Variants in WFIKKN1 observed in about 807,000 individuals in gnomAD.
The protein encoded by WFIKKN1 is WAP, Kazal, immunoglobulin, Kunitz and NTR domain-containing protein 1.
WFIKKN1 carries 6 observed loss-of-function variants against 4.6 expected under a neutral mutation model. That is an observed-to-expected ratio of 1.31 (90% CI 0.72 to 2.59). The LOEUF is 2.59. WFIKKN1 is among the 30% of genes most tolerant of loss of function. WFIKKN1 has a pLI of 0.00. For synonymous variants in WFIKKN1, 468 were observed against 367.4 expected (o/e 1.27, Z -3.13); for missense variants, 964 against 818.0 (o/e 1.18, Z -2.18).
chr16:631,167 G>A lies in WFIKKN1; in HGVS notation c.-87G>A. The A allele has an allele frequency of 7.0e-7, 1 of 1,432,414 alleles. No homozygotes were observed. Among genetic ancestry groups the A allele is most frequent in the Non-Finnish European group, 9.2e-7 (1 of 1,083,664 alleles). The allele number at this position is 1,432,414 out of a possible 1,614,324, so 88.7% of individuals were successfully genotyped here. On this transcript the variant is annotated 5_prime_UTR_variant, in exon 1 of 2. Coordinates refer to ENST00000319070, the MANE Select transcript of WFIKKN1 (RefSeq NM_053284.3). ...GGGGGCACCGACCACAGGCCCGGAGGGTGGATGCCTGCAGGAAGCTGGGCT... is the reference window on the plus strand; with the variant it reads ...GGGGGCACCGACCACAGGCCCGGAGAGTGGATGCCTGCAGGAAGCTGGGCT...
Position 632,987 on chromosome 16 carries a change from T to TC in WFIKKN1, c.581dup (p.Gln195ThrfsTer40). On this transcript the variant is annotated frameshift_variant, in exon 2 of 2. Transcript: ENST00000319070. LOFTEE classifies it low-confidence loss of function (END_TRUNC). The stretch of plus-strand genomic sequence containing the variant: ...GCCTCCTGCCCTGTACAGCAGCCCC[T>TC]CCCCACAGGCGGTGCAGGTTGGGGG... The TC allele has an allele frequency of 2.5e-6, 4 of 1,596,478 alleles. No individual in the cohort carries two copies. Among genetic ancestry groups the TC allele is most frequent in the Non-Finnish European group, 3.4e-6 (4 of 1,170,538 alleles).
chr16:632,847 G>T lies in WFIKKN1; in HGVS notation c.437G>T (p.Cys146Phe). The change falls in exon 2 of 2, where the codon TGC becomes TTC. Residue 146 changes from cysteine to phenylalanine, a missense_variant. Transcript: ENST00000319070. ...YNRCYMDAEA[C>F]LRGLHLHIVP... ...CGCTGCTATATGGACGCCGAGGCCT[G>T]CCTGCGGGGCCTGCACCTCCACATC... 3.2e-6 allele frequency: 5 copies of T among 1,572,284 alleles called. No homozygotes were observed. Among genetic ancestry groups the T allele is most frequent in the Non-Finnish European group, 4.3e-6 (5 of 1,156,604 alleles).
In WFIKKN1 at chr16:633,467, C is replaced by T. The variant is rs763911373; in HGVS notation, c.1057C>T (p.Arg353Cys). The T allele has an allele frequency of 2.0e-6, 3 of 1,525,066 alleles. No homozygotes were observed. The highest frequency in any genetic ancestry group is 2.6e-6 in the Non-Finnish European group (3 of 1,144,882). The allele number at this position is 1,525,066 out of a possible 1,614,324, so 94.5% of individuals were successfully genotyped here. The change falls in exon 2 of 2, where the codon CGC (arginine) becomes TGC (cysteine). Residue 353 changes from arginine to cysteine, a missense_variant. Physicochemically the swap from Arg to Cys is radical, Grantham distance 180. Transcript: ENST00000319070. ...CGAGGCATGCCAGCAGGCCTGTGCC[C>T]GCGGCCCCGGCGACGCCTGCGTGCT... Reference protein sequence around the residue: ...TYEACQQACARGPGDACVLPA... With the variant: ...TYEACQQACACGPGDACVLPA...
In WFIKKN1 at chr16:631,319, G is replaced by A. The variant is rs997562456; in HGVS notation, c.66G>A (p.Leu22=). The A allele has an allele frequency of 6.2e-7, 1 of 1,602,852 alleles. No homozygotes were observed. The highest frequency in any genetic ancestry group is 8.5e-7 in the Non-Finnish European group (1 of 1,179,090). ...LLLRLTSGAG[L]LPGLGSHPGV... is the part of the protein sequence containing the mutation. ...TCCGGCTGACCTCGGGGGCTGGCTT[G>A]CTGCCAGGGCTGGGGAGCCACCCGG... Residue 22 remains leucine (L), a synonymous_variant, in exon 1 of 2, where the codon TTG becomes TTA. Transcript: ENST00000319070.
chr16:633,847 G>A lies in WFIKKN1; in HGVS notation c.1437G>A (p.Glu479=). The A allele has an allele frequency of 1.3e-6, 2 of 1,599,600 alleles. No individual in the cohort carries two copies. Among genetic ancestry groups the A allele is most frequent in the South Asian group, 2.2e-5 (2 of 89,062 alleles). The part of the protein sequence containing the change: ...GLKFLGTKYL[E]VTLSGMDWAC... Reference sequence around the variant, plus strand: ...AGTTCTTGGGCACCAAGTACCTGGAGGTGACGCTGAGTGGCATGGACTGGG... The same window carrying A: ...AGTTCTTGGGCACCAAGTACCTGGAAGTGACGCTGAGTGGCATGGACTGGG... The change falls in exon 2 of 2, where the codon GAG becomes GAA. Residue 479 remains glutamate, a synonymous_variant. Transcript: ENST00000319070.
intron 1 of WFIKKN1, 47 bp downstream of exon 1, chr16:631,471 G>A: frequency 5.1e-6 from 8 of 1,582,104 alleles, no homozygotes; most frequent in Middle Eastern, 1.8e-4. Context: ...CAGCCAGCCT[G>A]GGCAAGACCC....
chr16:632,668 G>A lies in WFIKKN1; in HGVS notation c.258G>A (p.Ala86=), dbSNP rs749272331. 60 of 1,604,380 alleles carry A rather than the reference G, an allele frequency of 3.7e-5. No individual in the cohort carries two copies. The highest frequency in any genetic ancestry group is 4.8e-5 in the Non-Finnish European group (56 of 1,175,624). ...CACGCTTCCCCGGCAGCCCAGCTGC[G>A]CCGACGACAGCGGCCTCCTGCGAGG... ...VAARFPGSPA[A]PTTAASCEGF... The change falls in exon 2 of 2, where the codon GCG becomes GCA. Residue 86 remains alanine, a synonymous_variant. Coordinates refer to ENST00000319070, the MANE Select transcript of WFIKKN1 (RefSeq NM_053284.3).
rs2036982960 is a variant in WFIKKN1 at position 633,568 on chromosome 16, C to T, written c.1158C>T (p.Pro386=). 1 of 1,560,198 alleles carries T rather than the reference C, an allele frequency of 6.4e-7. No homozygotes were observed. The highest frequency in any genetic ancestry group is 2.4e-5 in the East Asian group (1 of 41,706). Residue 386 remains proline (P), a synonymous_variant, in exon 2 of 2, where the codon CCC becomes CCT. Transcript: ENST00000319070. ...AYSPLLQQCH[P]FVYGGCEGNG... is the part of the protein sequence containing the mutation. ...GCCCGCTGCTGCAGCAGTGCCATCC[C>T]TTCGTGTACGGTGGCTGCGAGGGCA...
At chr16:632,443 G>A (rs542474973) in intron 1 of WFIKKN1, 139 bp from the exon 2 acceptor site, 8 of 1,135,972 alleles carry the variant, frequency 7.0e-6, no homozygotes, top group East Asian at 3.1e-5. Context: ...AGGATGGAAA[G>A]GACACTGAGT....
Position 634,071 on chromosome 16 carries a change from C to T in WFIKKN1, c.*14C>T, listed in dbSNP as rs1263550848. ...TTCCAGGACTAGCCCCCGCAGGGGC[C>T]TGCGCCACCCCGTCCTGGTGAATAA... On this transcript the variant is annotated 3_prime_UTR_variant, in exon 2 of 2. Transcript: ENST00000319070. The T allele has an allele frequency of 6.5e-7, 1 of 1,542,096 alleles. No individual in the cohort carries two copies. The highest frequency in any genetic ancestry group is 1.9e-5 in the Admixed American group (1 of 52,754).
At position 632,617 on chromosome 16, in the gene WFIKKN1, G is replaced by A; in HGVS notation, c.207G>A (p.Val69=). Reference sequence around the variant, plus strand: ...CTGCTGAGAAGTGCTGCATCAACGTGTGTGGACTGCACAGCTGCGTGGCAG... The same window carrying A: ...CTGCTGAGAAGTGCTGCATCAACGTATGTGGACTGCACAGCTGCGTGGCAG... ...CAAAEKCCIN[V]CGLHSCVAAR... is the part of the protein sequence containing the mutation. Residue 69 remains valine (V), a synonymous_variant, in exon 2 of 2, where the codon GTG becomes GTA. Transcript: ENST00000319070. 6.3e-7 allele frequency: 1 copy of A among 1,584,422 alleles called. No individual in the cohort carries two copies. The highest frequency in any genetic ancestry group is 8.6e-7 in the Non-Finnish European group (1 of 1,163,328).
chr16:633,974 G>A lies in WFIKKN1; in HGVS notation c.1564G>A (p.Ala522Thr), dbSNP rs542877970. 1.2e-5 allele frequency: 19 copies of A among 1,599,134 alleles called. No homozygotes were observed. Among genetic ancestry groups the A allele is most frequent in the Non-Finnish European group, 1.4e-5 (17 of 1,173,732 alleles). The change falls in exon 2 of 2, where the codon GCC becomes ACC. Residue 522 changes from alanine (A) to threonine (T), a missense_variant. By Grantham distance (58) the Ala-to-Thr change is moderately conservative (BLOSUM62 0). Coordinates refer to ENST00000319070, the MANE Select transcript of WFIKKN1 (RefSeq NM_053284.3). ...AVLDAGSYVRAASEKRVKKIL... is the reference protein window; with the variant it reads ...AVLDAGSYVRTASEKRVKKIL... ...GCTGGACGCCGGCAGCTACGTCCGC[G>A]CCGCCAGCGAGAAGCGCGTCAAGAA...
Position 632,639 on chromosome 16 carries a change from G to C in WFIKKN1, c.229G>C (p.Ala77Pro). ...CGTGTGTGGACTGCACAGCTGCGTG[G>C]CAGCACGCTTCCCCGGCAGCCCAGC... ...INVCGLHSCV[A>P]ARFPGSPAAP... Residue 77 changes from alanine to proline, a missense_variant, in exon 2 of 2, where the codon GCA becomes CCA. Ala to Pro is a conservative substitution (Grantham distance 27, BLOSUM62 -1). Transcript: ENST00000319070. The C allele has an allele frequency of 6.3e-7, 1 of 1,598,254 alleles. No homozygotes were observed. Among genetic ancestry groups the C allele is most frequent in the Non-Finnish European group, 8.5e-7 (1 of 1,171,596 alleles).
rs539671803 is a variant in WFIKKN1 at position 633,166 on chromosome 16, C to T, written c.756C>T (p.Asn252=). 44 of 1,599,052 alleles carry T rather than the reference C, an allele frequency of 2.8e-5. No individual in the cohort carries two copies. Among genetic ancestry groups the T allele is most frequent in the African/African-American group, 2.0e-4 (15 of 74,396 alleles). The change falls in exon 2 of 2, where the codon AAC becomes AAT. Residue 252 remains asparagine (N), a synonymous_variant. Transcript: ENST00000319070. ...VTSIGQLVLY[N]ARPEDAGLYT... is the part of the protein sequence containing the mutation. The stretch of plus-strand genomic sequence containing the variant: ...GCATCGGGCAGCTGGTGCTCTACAA[C>T]GCGCGGCCCGAAGACGCCGGCCTGT...
In WFIKKN1 at chr16:633,204, C is replaced by A; in HGVS notation, c.794C>A (p.Ala265Glu). The A allele has an allele frequency of 6.3e-7, 1 of 1,592,130 alleles. No individual in the cohort carries two copies. The highest frequency in any genetic ancestry group is 1.7e-5 in the Admixed American group (1 of 57,508). Reference protein sequence around the residue: ...PEDAGLYTCTARNAAGLLRAD... With the variant: ...PEDAGLYTCTERNAAGLLRAD... ...GACGCCGGCCTGTACACCTGCACCG[C>A]GCGCAACGCTGCTGGGCTGCTGCGG... Residue 265 changes from alanine (A) to glutamate (E), a missense_variant, in exon 2 of 2, where the codon GCG (alanine) becomes GAG (glutamate). By Grantham distance (107) the Ala-to-Glu change is moderately radical. Coordinates refer to ENST00000319070, the MANE Select transcript of WFIKKN1 (RefSeq NM_053284.3).
chr16:633,771 T>A lies in WFIKKN1; in HGVS notation c.1361T>A (p.Ile454Asn), dbSNP rs1283252396. 1 of 1,597,828 alleles carries A rather than the reference T, an allele frequency of 6.3e-7. No individual in the cohort carries two copies. Among genetic ancestry groups the A allele is most frequent in the Non-Finnish European group, 8.5e-7 (1 of 1,173,042 alleles). Residue 454 changes from isoleucine (I) to asparagine (N), a missense_variant, in exon 2 of 2, where the codon ATC (isoleucine) becomes AAC (asparagine). Physicochemically the swap from Ile to Asn is moderately radical, Grantham distance 149 (BLOSUM62 -3). Coordinates refer to ENST00000319070, the MANE Select transcript of WFIKKN1 (RefSeq NM_053284.3). The part of the protein sequence containing the change: ...VLEEPEAAGG[I>N]ARVALEDVLK... The stretch of plus-strand genomic sequence containing the variant: ...GAGGAGCCCGAGGCCGCCGGCGGCA[T>A]CGCCCGCGTGGCGCTCGAGGACGTG...
rs191430066 is a variant in WFIKKN1, at chr16:632,923, G to A, written c.513G>A (p.Pro171=). ...LSWPPSSPGP[P]ETTARPTPGA... The stretch of plus-strand genomic sequence containing the variant: ...GGCCGCCCAGCAGCCCGGGGCCGCC[G>A]GAGACCACTGCCCGCCCCACACCTG... The change falls in exon 2 of 2, where the codon CCG becomes CCA. Residue 171 remains proline, a synonymous_variant. Coordinates refer to ENST00000319070, the MANE Select transcript of WFIKKN1 (RefSeq NM_053284.3). 5.0e-4 allele frequency: 774 copies of A among 1,559,920 alleles called. 1 individual carries two copies. The African/African-American group carries it at 8.1e-3, about 16-fold the overall frequency.
Position 633,585 on chromosome 16 carries a change from G to T in WFIKKN1, c.1175G>T (p.Cys392Phe). 1 of 1,569,994 alleles carries T rather than the reference G, an allele frequency of 6.4e-7. No individual in the cohort carries two copies. Among genetic ancestry groups the T allele is most frequent in the African/African-American group, 1.4e-5 (1 of 72,418 alleles). ...TGCCATCCCTTCGTGTACGGTGGCT[G>T]CGAGGGCAACGGCAACAACTTCCAC... Reference protein sequence around the residue: ...QQCHPFVYGGCEGNGNNFHSR... With the variant: ...QQCHPFVYGGFEGNGNNFHSR... Residue 392 changes from cysteine to phenylalanine, a missense_variant, in exon 2 of 2, where the codon TGC (cysteine) becomes TTC (phenylalanine). Physicochemically the swap from Cys to Phe is radical, Grantham distance 205 (BLOSUM62 -2). Coordinates refer to ENST00000319070, the MANE Select transcript of WFIKKN1 (RefSeq NM_053284.3).
In WFIKKN1 at chr16:633,185, G is replaced by A. The variant is rs751150830; in HGVS notation, c.775G>A (p.Gly259Ser). The A allele has an allele frequency of 9.4e-6, 15 of 1,595,834 alleles. No homozygotes were observed. In the African/African-American group the frequency reaches 1.1e-4, roughly 11 times the overall value. Residue 259 changes from glycine to serine, a missense_variant, in exon 2 of 2, where the codon GGC becomes AGC. Transcript: ENST00000319070. ...VLYNARPEDA[G>S]LYTCTARNAA... is the part of the protein sequence containing the mutation. ...CTACAACGCGCGGCCCGAAGACGCC[G>A]GCCTGTACACCTGCACCGCGCGCAA...
Sources: gnomAD v4.1 joint callset for allele counts on GRCh38, gnomAD v4.1.1 for gene constraint, MANE v1.5 for transcripts, NCBI Gene and HGNC (gene_info 2026-07-23, HGNC 2026-07-21) for gene names.